CLEC16A: variants seen among roughly 807,000 people sequenced by gnomAD.
CLEC16A encodes C-type lectin domain containing 16A, also known as protein CLEC16A.
In CLEC16A, 51 loss-of-function variants were observed where a neutral mutation model predicts 109.5. The ratio of observed to expected loss-of-function variants is 0.47; its 90% CI spans 0.37 to 0.59. The LOEUF is 0.59. Among genes scored for constraint, CLEC16A ranks in the 20% least tolerant of loss-of-function variants. The probability of loss-of-function intolerance (pLI) is 0.00; values close to 1 mark genes in which losing one functional copy is unlikely to be tolerated. For missense variants in CLEC16A, 1,339 were observed against 1,394.0 expected, an observed-to-expected ratio of 0.96 and a Z score of 0.63; for synonymous variants, 673 against 564.2, an observed-to-expected ratio of 1.19 and a Z score of -2.73.
intron 1 of CLEC16A, among the ~76,000 whole-genome samples, chr16:10,955,796 G>C (rs1354258779): frequency 6.6e-6 from 1 of 152,190 alleles, no homozygotes; most frequent in Non-Finnish European, 1.5e-5. Context: ...GTCACTGGCA[G>C]GGTGTCAGGC....
chr16:11,036,301 G>A (rs193287215), intron 13 of CLEC16A, among the ~76,000 whole-genome samples: 7 of 149,252 alleles, frequency 4.7e-5, no homozygotes, highest in African/African-American at 9.9e-5. Flanking sequence ...CCCCCTCCCC[G>A]GCTCTCTCCC....
Position 11,044,159 on chromosome 16 carries a change from A to G in CLEC16A, c.1815+87A>G, listed in dbSNP as rs1444385907. 5.3e-6 allele frequency: 6 copies of G among 1,140,826 alleles called. No individual in the cohort carries two copies. The Admixed American group carries it at 7.4e-5, about 14-fold the overall frequency. The allele number at this position is 1,140,826 out of a possible 1,614,324, so 70.7% of individuals were successfully genotyped here. A position where few individuals can be genotyped will look rare whatever the true frequency, so the allele number is the denominator to read the frequency against. The stretch of plus-strand genomic sequence containing the variant: ...GTCTGGTTCTATGCAGATAAACGTT[A>G]TATGTCTTCAGTTATTTTTTATGCC... On this transcript the variant is annotated intron_variant, in intron 16 of 23. Transcript: ENST00000409790.
intron 19 of CLEC16A, among the ~76,000 whole-genome samples, chr16:11,097,740 G>A (rs537835068): frequency 1.8e-4 from 28 of 152,320 alleles, no homozygotes; most frequent in African/African-American, 4.8e-4. Context: ...GGCCTGAAAC[G>A]TCTTGCCCCA....
chr16:11,049,072 T>A lies in CLEC16A; in HGVS notation c.1866+1730T>A, dbSNP rs181428519. Among the ~76,000 whole-genome samples, 103 of 152,072 alleles carry A rather than the reference T, an allele frequency of 6.8e-4. 1 individual carries two copies. Among genetic ancestry groups the A allele is most frequent in the Non-Finnish European group, 1.1e-3 (76 of 67,966 alleles). ...CCCAGGCTGGAGTGCAAGTAGTGCG[T>A]TCTCGGCTCACTGCAACCTCTGCCT... On this transcript the variant is annotated intron_variant, in intron 17 of 23. Transcript: ENST00000409790.
chr16:11,173,846 C>T (rs2068627950), intron 23 of CLEC16A, among the ~76,000 whole-genome samples: 1 of 152,144 alleles, frequency 6.6e-6, no homozygotes, highest in Admixed American at 6.5e-5. Flanking sequence ...CGGATGAACC[C>T]ATCTTTCCTT....
chr16:11,027,445 G>A lies in CLEC16A; in HGVS notation c.1537+2524G>A, dbSNP rs148432029. On this transcript the variant is annotated intron_variant, in intron 13 of 23. Transcript: ENST00000409790. ...ATAGTGGAAACTTATGTGACCTGGG[G>A]ATTTCCAAATCTGAAGTCTGTCCGA... 579 of 1,560,334 alleles carry A rather than the reference G, an allele frequency of 3.7e-4. No individual in the cohort carries two copies. In the African/African-American group the frequency reaches 5.7e-3, roughly 15 times the overall value.
chr16:11,043,428 G>C (rs2047456121), intron 15 of CLEC16A, among the ~76,000 whole-genome samples: 1 of 151,778 alleles, frequency 6.6e-6, no homozygotes, highest in Admixed American at 6.6e-5. Context: ...AATAAAAAAG[G>C]AGTCATGATG....
chr16:11,152,220 G>A (rs1228135541), intron 22 of CLEC16A, among the ~76,000 whole-genome samples: 1 of 152,318 alleles, frequency 6.6e-6, no homozygotes, highest in Non-Finnish European at 1.5e-5. Flanking sequence ...GGAAGCCTTA[G>A]GCCGGTCATC....
At chr16:11,099,165 T>C (rs1021010026) in intron 19 of CLEC16A, among the ~76,000 whole-genome samples, 1 of 152,226 alleles carries the variant, frequency 6.6e-6, no homozygotes, top group Non-Finnish European at 1.5e-5. Context: ...TCCAAGGCCC[T>C]GGGCCAGGCT....
At chr16:11,027,781 G>T (rs2046498829) in intron 13 of CLEC16A, 2 of 1,100,838 alleles carry the variant, frequency 1.8e-6, no homozygotes, top group Non-Finnish European at 2.7e-6. Context: ...GTGCCAAACT[G>T]CAGTATATTT....
chr16:11,169,773 C>T (rs2068427755), intron 23 of CLEC16A, among the ~76,000 whole-genome samples: 1 of 152,122 alleles, frequency 6.6e-6, no homozygotes, highest in Non-Finnish European at 1.5e-5. Flanking sequence ...TTGGTGTGGC[C>T]CAGGCACCCA....
At chr16:11,130,148 G>C (rs1458203537) in intron 22 of CLEC16A, among the ~76,000 whole-genome samples, 2 of 152,182 alleles carry the variant, frequency 1.3e-5, no homozygotes, top group African/African-American at 4.8e-5. Context: ...CTCCCCTGCA[G>C]AGAGGGTTGC....
intron 10 of CLEC16A, among the ~76,000 whole-genome samples, chr16:10,984,015 T>C (rs972217775): frequency 2.6e-5 from 4 of 151,534 alleles, no homozygotes; most frequent in African/African-American, 9.7e-5. Context: ...AGTGGGTAAG[T>C]GAGATGAGCA....
At chr16:11,077,067 G>A (rs924215508) in intron 19 of CLEC16A, among the ~76,000 whole-genome samples, 13 of 152,204 alleles carry the variant, frequency 8.5e-5, no homozygotes, top group Admixed American at 3.3e-4. Context: ...GAGCAGGGCC[G>A]GGCACAGTGG....
chr16:10,980,232 G>A (rs556302279), intron 9 of CLEC16A, among the ~76,000 whole-genome samples: 6 of 152,252 alleles, frequency 3.9e-5, no homozygotes, highest in South Asian at 4.2e-4. Flanking sequence ...CCTCCTCCCC[G>A]GCAGGTAGGC....
intron 19 of CLEC16A, among the ~76,000 whole-genome samples, chr16:11,093,399 A>G (rs1425705968): frequency 2.0e-5 from 3 of 152,108 alleles, no homozygotes; most frequent in African/African-American, 7.2e-5. Context: ...GGCCTCCTAA[A>G]CCCTAGCTGA....
intron 22 of CLEC16A, among the ~76,000 whole-genome samples, chr16:11,142,382 C>T (rs2053876813): frequency 6.6e-6 from 1 of 152,234 alleles, no homozygotes; most frequent in Non-Finnish European, 1.5e-5. Flanking sequence ...CCTGTCAGAG[C>T]GCTGTGATCA....
intron 11 of CLEC16A, among the ~76,000 whole-genome samples, chr16:11,010,777 C>G (rs575654076): frequency 2.0e-5 from 3 of 152,336 alleles, no homozygotes; most frequent in Admixed American, 2.0e-4. Context: ...TGGTGCCTTC[C>G]GTTGTCACGC....
At chr16:11,158,221 G>A (rs2054602514) in intron 22 of CLEC16A, among the ~76,000 whole-genome samples, 1 of 152,130 alleles carries the variant, frequency 6.6e-6, no homozygotes, top group Non-Finnish European at 1.5e-5. Flanking sequence ...GATGGGTGGT[G>A]AGAAAATATG....
Sources: allele counts gnomAD v4.1 joint callset (sites outside exome capture counted in the v4.1 genomes callset), GRCh38; gene constraint gnomAD v4.1.1; transcripts MANE v1.5; gene names NCBI Gene and HGNC (gene_info 2026-07-23, HGNC 2026-07-21).